Variants in SLC25A48 observed in about 807,000 individuals in gnomAD.
SLC25A48 encodes CTC-321K16.1.
A neutral mutation model predicts 32.2 loss-of-function variants in SLC25A48; 29 were observed. The observed-to-expected ratio is 0.90, with a 90% CI of 0.67 to 1.23. The LOEUF (loss-of-function observed/expected upper bound fraction) is 1.23, where lower values mean the gene tolerates loss of function less well. SLC25A48 is among the 50% of genes most tolerant of loss of function. SLC25A48 has a pLI of 0.00. For synonymous variants in SLC25A48, 164 were observed against 172.3 expected, an observed-to-expected ratio of 0.95 and a Z score of 0.38; for missense variants, 399 against 422.7, an observed-to-expected ratio of 0.94 and a Z score of 0.49.
chr5:135,774,123 G>A (rs1170697803), intron 3 of SLC25A48, among the ~76,000 whole-genome samples: 1 of 151,268 alleles, frequency 6.6e-6, no homozygotes. Context: ...TATATCGAAG[G>A]GTGTGTACAC....
intron 3 of SLC25A48, among the ~76,000 whole-genome samples, chr5:135,761,880 G>A (rs1214119289): frequency 6.6e-6 from 1 of 152,172 alleles, no homozygotes; most frequent in East Asian, 1.9e-4. Flanking sequence ...CCAGGCCAAG[G>A]TTGATGGGCC....
intron 2 of SLC25A48, 49 bp from the exon 3 acceptor site, chr5:135,850,376 G>A: frequency 6.3e-7 from 1 of 1,578,232 alleles, no homozygotes; most frequent in Non-Finnish European, 8.7e-7. Flanking sequence ...GGAGCAGTGG[G>A]GCTATGAATA....
At chr5:135,737,816 C>G (rs551643857) in intron 3 of SLC25A48, among the ~76,000 whole-genome samples, 10 of 152,318 alleles carry the variant, frequency 6.6e-5, no homozygotes, top group Admixed American at 2.6e-4. Flanking sequence ...TCTTGCCTTC[C>G]TCTTCAATCC....
chr5:135,814,063 C>A (rs889738007), intron 4 of SLC25A48, among the ~76,000 whole-genome samples: 1 of 151,846 alleles, frequency 6.6e-6, no homozygotes, highest in Non-Finnish European at 1.5e-5. Context: ...GGGATATTTT[C>A]CCCCCATCAT....
At chr5:135,778,856 G>A (rs774887124) in intron 3 of SLC25A48, among the ~76,000 whole-genome samples, 1 of 6,358 alleles carries the variant, frequency 1.6e-4, no homozygotes, top group Non-Finnish European at 3.6e-4. Context: ...CCGCCCCGCC[G>A]TGACATTGTT....
At chr5:135,879,887 C>G in intron 6 of SLC25A48, 81 bp from the exon 7 acceptor site, 2 of 1,503,474 alleles carry the variant, frequency 1.3e-6, no homozygotes, top group Non-Finnish European at 1.8e-6. Context: ...GGCAGCACCA[C>G]TAGCTATTCT....
At chr5:135,879,599 A>AGTGTGTGTGTGTGT (rs1435731336) in intron 6 of SLC25A48, among the ~76,000 whole-genome samples, 5 of 139,092 alleles carry the variant, frequency 3.6e-5, no homozygotes, top group Admixed American at 2.8e-4. Flanking sequence ...AGAGAGAGAG[A>AGTGTGTGTGTGTGT]GAGAGAGAGA....
intron 1 of SLC25A48, chr5:135,835,204 G>A (rs1373678416): frequency 8.4e-6 from 5 of 597,668 alleles, no homozygotes; most frequent in Admixed American, 2.1e-5. Flanking sequence ...TCCTGGCGGC[G>A]CACACACCCT....
chr5:135,852,517 G>A (rs768746744), intron 3 of SLC25A48, 46 bp from the exon 4 acceptor site: 4 of 1,552,936 alleles, frequency 2.6e-6, no homozygotes, highest in Non-Finnish European at 3.5e-6. Flanking sequence ...GCTCTGCGAC[G>A]GCAGCCCGGG....
chr5:135,818,053 TCCTCTCTC>T (rs1757772952), intron 4 of SLC25A48, among the ~76,000 whole-genome samples: 10 of 46,582 alleles, frequency 2.1e-4, no homozygotes, highest in African/African-American at 9.4e-4. Flanking sequence ...TTCTCTCTGT[TCCTCTCTC>T]TCTCTCTCTC....
At chr5:135,678,941 T>C (rs11743984) in intron 3 of SLC25A48, among the ~76,000 whole-genome samples, 114,277 of 151,966 alleles carry the variant, frequency 0.75, 43,480 homozygotes, top group Middle Eastern at 0.86. Flanking sequence ...TGAACATGTC[T>C]GTCCTTGGGC....
intron 3 of SLC25A48, among the ~76,000 whole-genome samples, chr5:135,640,034 A>T (rs761122456): frequency 3.0e-4 from 45 of 152,240 alleles, no homozygotes; most frequent in Admixed American, 9.2e-4. Flanking sequence ...CTAAGAACTT[A>T]AAGGAAAAGA....
intron 3 of SLC25A48, among the ~76,000 whole-genome samples, chr5:135,654,670 A>T (rs893242576): frequency 1.1e-4 from 16 of 152,226 alleles, no homozygotes; most frequent in African/African-American, 3.9e-4. Flanking sequence ...ATCAAACACA[A>T]ATCTAGATGT....
chr5:135,739,757 C>T (rs975202584), intron 3 of SLC25A48, among the ~76,000 whole-genome samples: 3 of 152,114 alleles, frequency 2.0e-5, no homozygotes, highest in African/African-American at 7.2e-5. Flanking sequence ...CTGGGGAAAA[C>T]ACACATTCCT....
chr5:135,592,014 G>A (rs1393633951), intron 1 of SLC25A48, among the ~76,000 whole-genome samples: 1 of 152,156 alleles, frequency 6.6e-6, no homozygotes, highest in Non-Finnish European at 1.5e-5. Flanking sequence ...AAAGGCCTTT[G>A]AGAACCACAA....
chr5:135,853,756 C>T (rs1259829159), intron 4 of SLC25A48, among the ~76,000 whole-genome samples: 1 of 152,182 alleles, frequency 6.6e-6, no homozygotes, highest in African/African-American at 2.4e-5. Context: ...TTTTGACCTC[C>T]TCCCATGAAC....
intron 3 of SLC25A48, among the ~76,000 whole-genome samples, chr5:135,716,554 T>A (rs1227858705): frequency 6.6e-6 from 1 of 152,144 alleles, no homozygotes; most frequent in Non-Finnish European, 1.5e-5. Context: ...TGTGAATGAG[T>A]TTGCCTCTTC....
intron 3 of SLC25A48, among the ~76,000 whole-genome samples, chr5:135,742,974 T>TC (rs1755538247): frequency 4.3e-4 from 1 of 2,340 alleles, no homozygotes; most frequent in Non-Finnish European, 8.9e-4. Flanking sequence ...CCCCCTCCCC[T>TC]CCCTCCCCCC....
chr5:135,755,947 G>A (rs1342068093), intron 3 of SLC25A48, among the ~76,000 whole-genome samples: 3 of 151,772 alleles, frequency 2.0e-5, no homozygotes, highest in Admixed American at 6.6e-5. Context: ...TAGTGTCAAC[G>A]CACTATACTA....
Sources: gnomAD v4.1 joint callset for allele counts (sites outside exome capture counted in the v4.1 genomes callset) on GRCh38, gnomAD v4.1.1 for gene constraint, MANE v1.5 for transcripts, NCBI Gene and HGNC (gene_info 2026-07-23, HGNC 2026-07-21) for gene names.